The following NPFFR2 variants were observed in gnomAD, a reference collection of about 807,000 sequenced individuals.
The protein encoded by NPFFR2 is G-protein coupled receptor 74.
NPFFR2 carries 15 observed loss-of-function variants against 13.1 expected under a neutral mutation model. That is an observed-to-expected ratio of 1.15 (90% CI 0.77 to 1.76). The LOEUF is 1.76. NPFFR2 is among the 40% of genes most tolerant of loss of function. The probability of loss-of-function intolerance (pLI) is 0.00; values close to 1 mark genes in which losing one functional copy is unlikely to be tolerated. For synonymous variants in NPFFR2, 190 were observed against 175.7 expected (o/e 1.08, Z -0.65); for missense variants, 572 against 503.5 (o/e 1.14, Z -1.30).
At chr4:72,109,770 C>T (rs541202886) in intron 1 of NPFFR2, among the ~76,000 whole-genome samples, 2 of 152,070 alleles carry the variant, frequency 1.3e-5, no homozygotes, top group East Asian at 1.9e-4. Context: ...AGGCCATTGG[C>T]TATAAGTGAA....
chr4:72,143,194 T>C (rs564237151), intron 3 of NPFFR2, among the ~76,000 whole-genome samples: 1 of 152,252 alleles, frequency 6.6e-6, no homozygotes, highest in African/African-American at 2.4e-5. Flanking sequence ...GCAGGTGAAG[T>C]GGTACATTTG....
At position 72,148,235 on chromosome 4, in the gene NPFFR2, C is replaced by T. The variant is rs73824748; in HGVS notation, c.*423C>T. The stretch of plus-strand genomic sequence containing the variant: ...ATTTTGGATTTAAAATTTTAGATTA[C>T]AAGACTATTACTCTGCTTATGTTTA... On this transcript the variant is annotated 3_prime_UTR_variant, in exon 4 of 4. Coordinates refer to ENST00000308744, the MANE Select transcript of NPFFR2 (RefSeq NM_004885.3). Among the ~76,000 whole-genome samples the T allele has an allele frequency of 0.016, 2,454 of 152,302 alleles. 66 individuals are homozygous for T. The highest frequency in any genetic ancestry group is 0.055 in the African/African-American group (2,298 of 41,560).
At chr4:72,113,285 A>C (rs1721616565) in intron 1 of NPFFR2, among the ~76,000 whole-genome samples, 1 of 152,090 alleles carries the variant, frequency 6.6e-6, no homozygotes. Flanking sequence ...GGTAATTATA[A>C]GCAATACATA....
Position 72,135,222 on chromosome 4 carries a change from A to G in NPFFR2, c.329-2818A>G, listed in dbSNP as rs544309900. Among the ~76,000 whole-genome samples the G allele has an allele frequency of 2.0e-5, 3 of 152,260 alleles. 1 individual carries two copies. The highest frequency in any genetic ancestry group is 2.1e-4 in the South Asian group (1 of 4,830). ...CTTCCCTTTATCCCTAATGTTCTCA[A>G]TTCCATGAAACTATGCTTTGAAGTA... is the stretch of plus-strand genomic sequence containing the variant. On this transcript the variant is annotated intron_variant, in intron 2 of 3. Coordinates refer to ENST00000308744, the MANE Select transcript of NPFFR2 (RefSeq NM_004885.3).
At chr4:72,035,272 G>C (rs1407479749) in intron 1 of NPFFR2, among the ~76,000 whole-genome samples, 2 of 152,212 alleles carry the variant, frequency 1.3e-5, no homozygotes, top group Non-Finnish European at 2.9e-5. Flanking sequence ...CTAGTACATA[G>C]AAGACGCACA....
At chr4:72,046,909 G>T (rs1201479399) in intron 1 of NPFFR2, among the ~76,000 whole-genome samples, 2 of 152,182 alleles carry the variant, frequency 1.3e-5, no homozygotes, top group Non-Finnish European at 2.9e-5. Context: ...AGACACTGGG[G>T]TAAAGTCCAT....
intron 2 of NPFFR2, among the ~76,000 whole-genome samples, chr4:72,131,102 C>G (rs933731573): frequency 6.6e-6 from 1 of 151,922 alleles, no homozygotes; most frequent in African/African-American, 2.4e-5. Context: ...CTCTGCCGCA[C>G]CACTCTGCTG....
chr4:72,144,483 A>T (rs985915670), intron 3 of NPFFR2, among the ~76,000 whole-genome samples: 4 of 152,098 alleles, frequency 2.6e-5, no homozygotes, highest in African/African-American at 9.7e-5. Context: ...TTGCACTTGC[A>T]CTCAAATGCT....
chr4:72,133,347 A>G (rs555350660), intron 2 of NPFFR2, among the ~76,000 whole-genome samples: 1 of 152,158 alleles, frequency 6.6e-6, no homozygotes, highest in Admixed American at 6.5e-5. Context: ...TGGGTTCTCT[A>G]TTCTGTTCCA....
At chr4:72,047,870 T>C (rs1453548998) in intron 1 of NPFFR2, among the ~76,000 whole-genome samples, 1 of 152,150 alleles carries the variant, frequency 6.6e-6, no homozygotes, top group South Asian at 2.1e-4. Flanking sequence ...TTAGGATAGA[T>C]GCAAACATAT....
chr4:72,090,945 T>C (rs765425334), intron 1 of NPFFR2, among the ~76,000 whole-genome samples: 5 of 152,136 alleles, frequency 3.3e-5, no homozygotes, highest in Non-Finnish European at 5.9e-5. Flanking sequence ...CAGCATAATG[T>C]TGGCTGTGGG....
chr4:72,048,135 C>A (rs965750158), intron 1 of NPFFR2, among the ~76,000 whole-genome samples: 1 of 152,030 alleles, frequency 6.6e-6, no homozygotes. Context: ...TATATACACA[C>A]GTACGTAAAT....
intron 1 of NPFFR2, among the ~76,000 whole-genome samples, chr4:72,037,943 G>T (rs916732798): frequency 2.0e-5 from 3 of 152,118 alleles, no homozygotes; most frequent in African/African-American, 7.2e-5. Flanking sequence ...TGATTATCTA[G>T]GTTTTAGTAA....
chr4:72,053,087 A>T lies in NPFFR2; in HGVS notation c.-8+20887A>T, dbSNP rs1313467011. ...GCTGTAGCTCGACCACCTTGGGCAC[A>T]TGTTCTCAAGACTTCCTGGGGCTGT... On this transcript the variant is annotated intron_variant, in intron 1 of 3. Coordinates refer to ENST00000308744, the MANE Select transcript of NPFFR2 (RefSeq NM_004885.3). Among the ~76,000 whole-genome samples the T allele has an allele frequency of 2.0e-5, 3 of 151,924 alleles. No individual in the cohort carries two copies. In the South Asian group the frequency reaches 6.2e-4, roughly 31 times the overall value.
chr4:72,039,407 A>G lies in NPFFR2; in HGVS notation c.-8+7207A>G, dbSNP rs1719142454. The stretch of plus-strand genomic sequence containing the variant: ...CCCACCTCTTCTCTTCTGCTTCCAT[A>G]TTACAGGTAACCAATCTTAATTGGG... On this transcript the variant is annotated intron_variant, in intron 1 of 3. Coordinates refer to ENST00000308744, the MANE Select transcript of NPFFR2 (RefSeq NM_004885.3). 3.0e-6 allele frequency: 3 copies of G among 984,642 alleles called. No individual in the cohort carries two copies. The Admixed American group carries it at 1.8e-4, about 61-fold the overall frequency. The allele number at this position is 984,642 out of a possible 1,614,324, so 61.0% of individuals were successfully genotyped here. A position where few individuals can be genotyped will look rare whatever the true frequency, so the allele number is the denominator to read the frequency against.
chr4:72,052,455 C>A (rs904582702), intron 1 of NPFFR2, among the ~76,000 whole-genome samples: 40 of 150,978 alleles, frequency 2.6e-4, no homozygotes, highest in Non-Finnish European at 5.2e-4. Context: ...ACCCTTCATG[C>A]TAAAAACTCT....
At chr4:72,136,702 C>T (rs1262879313) in intron 2 of NPFFR2, among the ~76,000 whole-genome samples, 2 of 152,144 alleles carry the variant, frequency 1.3e-5, no homozygotes, top group African/African-American at 4.8e-5. Flanking sequence ...TCGCTTAATC[C>T]TTCTGCATCA....
chr4:72,120,440 A>G (rs559868154), intron 1 of NPFFR2, among the ~76,000 whole-genome samples: 10 of 152,192 alleles, frequency 6.6e-5, no homozygotes, highest in African/African-American at 2.2e-4. Flanking sequence ...TGGGTCCCTG[A>G]CCCCTGAGTC....
intron 1 of NPFFR2, among the ~76,000 whole-genome samples, chr4:72,040,472 G>T (rs1719177307): frequency 6.6e-6 from 1 of 151,966 alleles, no homozygotes; most frequent in Admixed American, 6.6e-5. Flanking sequence ...CCTTGATTCT[G>T]TTTCACTGAC....
Sources: gnomAD v4.1 joint callset for allele counts (sites outside exome capture counted in the v4.1 genomes callset) on GRCh38, gnomAD v4.1.1 for gene constraint, MANE v1.5 for transcripts, NCBI Gene and HGNC (gene_info 2026-07-23, HGNC 2026-07-21) for gene names.